The following UTP20 variants were observed in gnomAD, a reference collection of about 807,000 sequenced individuals.
UTP20 encodes small subunit processome component 20 homolog.
A neutral mutation model predicts 329.5 loss-of-function variants in UTP20; 164 were observed. That is an observed-to-expected ratio of 0.50 (90% CI 0.44 to 0.57). The LOEUF (loss-of-function observed/expected upper bound fraction) is 0.57. Among genes scored for constraint, UTP20 ranks in the 20% least tolerant of loss-of-function variants. The pLI is 0.00. For missense variants in UTP20, 3,055 were observed against 3,284.2 expected, an observed-to-expected ratio of 0.93 and a Z score of 1.71; for synonymous variants, 1,151 against 1,159.3, an observed-to-expected ratio of 0.99 and a Z score of 0.14.
chr12:101,338,985 T>G (rs376302531), intron 31 of UTP20, 28 bp downstream of exon 31: 3 of 1,558,132 alleles, frequency 1.9e-6, no homozygotes, highest in Non-Finnish European at 2.6e-6. Context: ...ACTTAAAAGA[T>G]AACATTACCA....
At chr12:101,283,190 C>A (rs1398685962) in intron 2 of UTP20, among the ~76,000 whole-genome samples, 1 of 152,110 alleles carries the variant, frequency 6.6e-6, no homozygotes, top group Non-Finnish European at 1.5e-5. Context: ...TTGAAGGTAT[C>A]AAGAGGCAGT....
intron 12 of UTP20, among the ~76,000 whole-genome samples, chr12:101,297,127 T>C (rs978468219): frequency 6.6e-6 from 1 of 152,226 alleles, no homozygotes; most frequent in African/African-American, 2.4e-5. Context: ...TGGGAGTTAC[T>C]GTCCCACAGT....
chr12:101,344,851 C>A, intron 36 of UTP20, 101 bp downstream of exon 36: 1 of 909,054 alleles, frequency 1.1e-6, no homozygotes, highest in Non-Finnish European at 1.6e-6. Flanking sequence ...AGGCTTAGTG[C>A]ATTTAATGAG....
At chr12:101,332,209 T>G (rs1177970676) in intron 27 of UTP20, among the ~76,000 whole-genome samples, 1 of 152,050 alleles carries the variant, frequency 6.6e-6, no homozygotes, top group Non-Finnish European at 1.5e-5. Flanking sequence ...TGGTGGTGCA[T>G]GCCTGTAATC....
At chr12:101,319,110 G>A (rs1873069139) in intron 22 of UTP20, among the ~76,000 whole-genome samples, 1 of 152,142 alleles carries the variant, frequency 6.6e-6, no homozygotes, top group South Asian at 2.1e-4. Flanking sequence ...GCCATTGGTT[G>A]CCTTAACCTG....
intron 26 of UTP20, among the ~76,000 whole-genome samples, chr12:101,328,982 G>A (rs1167050772): frequency 2.0e-5 from 3 of 151,880 alleles, no homozygotes; most frequent in Non-Finnish European, 4.4e-5. Flanking sequence ...TAGTTCTGTC[G>A]CAGATTTCTT....
intron 25 of UTP20, among the ~76,000 whole-genome samples, chr12:101,324,135 T>C (rs1868471818): frequency 7.1e-6 from 1 of 140,714 alleles, no homozygotes; most frequent in South Asian, 2.4e-4. Context: ...AGACTCTGTC[T>C]CAAAAAAATA....
Position 101,356,807 on chromosome 12 carries a change from TG to T in UTP20, c.5534+116del, listed in dbSNP as rs1251235709. On this transcript the variant is annotated intron_variant, in intron 42 of 61. Coordinates refer to ENST00000261637, the MANE Select transcript of UTP20 (RefSeq NM_014503.3). ...GAAAAAGTACTGTCATAACTTGCTG[TG>T]GTTTCGAATATTAACAGGAAAATTT... 11 of 1,478,886 alleles carry T rather than the reference TG, an allele frequency of 7.4e-6. No homozygotes were observed. In the African/African-American group the frequency reaches 1.6e-4, roughly 21 times the overall value. 91.6% of individuals were successfully genotyped at this position (1,478,886 alleles called of 1,614,324 possible).
At position 101,338,139 on chromosome 12, in the gene UTP20, C is replaced by A; in HGVS notation, c.3730C>A (p.Leu1244Ile). The A allele has an allele frequency of 6.2e-7, 1 of 1,614,196 alleles. No homozygotes were observed. Among genetic ancestry groups the A allele is most frequent in the South Asian group, 1.1e-5 (1 of 91,086 alleles). Residue 1244 changes from leucine to isoleucine, a missense_variant, in exon 30 of 62, where the codon CTT (leucine) becomes ATT (isoleucine). Coordinates refer to ENST00000261637, the MANE Select transcript of UTP20 (RefSeq NM_014503.3). ...TTTTGCAATTCTCTCAGCGAAGAAT[C>A]TTTCTGATGCCACAGCCAGTATTGT... ...NVFAILSAKN[L>I]SDATASIVMD...
At chr12:101,377,631 A>G (rs1457315228) in intron 56 of UTP20, among the ~76,000 whole-genome samples, 1 of 152,138 alleles carries the variant, frequency 6.6e-6, no homozygotes, top group Non-Finnish European at 1.5e-5. Flanking sequence ...CACCCAGCCT[A>G]AAACTTTTTT....
intron 22 of UTP20, among the ~76,000 whole-genome samples, chr12:101,318,667 C>A (rs1246746896): frequency 1.3e-5 from 2 of 151,764 alleles, no homozygotes; most frequent in African/African-American, 4.8e-5. Flanking sequence ...GCTGTCTCTA[C>A]TGAAAATATA....
chr12:101,352,969 T>C (rs988222967), intron 39 of UTP20, 78 bp from the exon 40 acceptor site: 187 of 848,174 alleles, frequency 2.2e-4, no homozygotes, highest in Non-Finnish European at 3.1e-4. Context: ...TTTATTAGTG[T>C]TTAAATTTCC....
intron 5 of UTP20, among the ~76,000 whole-genome samples, chr12:101,287,998 A>G (rs1872015034): frequency 1.3e-5 from 2 of 152,128 alleles, no homozygotes; most frequent in African/African-American, 2.4e-5. Flanking sequence ...GGACCGCTGT[A>G]AGGTCTTCAG....
chr12:101,383,204 A>C lies in UTP20; in HGVS notation c.7820A>C (p.Glu2607Ala). 1 of 1,614,132 alleles carries C rather than the reference A, an allele frequency of 6.2e-7. No individual in the cohort carries two copies. The highest frequency in any genetic ancestry group is 8.5e-7 in the Non-Finnish European group (1 of 1,180,024). Residue 2607 changes from glutamate (E) to alanine (A), a missense_variant, in exon 59 of 62, where the codon GAA becomes GCA. Glu to Ala is a moderately radical substitution (Grantham distance 107). Coordinates refer to ENST00000261637, the MANE Select transcript of UTP20 (RefSeq NM_014503.3). ...GCGGAGTCTGACGGAGAAGAGAAGGAAGAGGTGAAGGAAGAGCTCGGCAGG... is the reference window on the plus strand; with the variant it reads ...GCGGAGTCTGACGGAGAAGAGAAGGCAGAGGTGAAGGAAGAGCTCGGCAGG... ...EKAESDGEEK[E>A]EVKEELGRPA...
At chr12:101,339,216 G>A (rs1459760744) in intron 31 of UTP20, among the ~76,000 whole-genome samples, 2 of 152,152 alleles carry the variant, frequency 1.3e-5, no homozygotes, top group Non-Finnish European at 2.9e-5. Flanking sequence ...AGGAGACTGA[G>A]GCAGGAGAAT....
At chr12:101,354,590 C>T (rs559043164) in intron 40 of UTP20, among the ~76,000 whole-genome samples, 1 of 152,286 alleles carries the variant, frequency 6.6e-6, no homozygotes, top group African/African-American at 2.4e-5. Context: ...CCTGTACCTG[C>T]AGTTCTGTGT....
chr12:101,334,572 A>G, intron 29 of UTP20, 68 bp downstream of exon 29: 1 of 1,329,506 alleles, frequency 7.5e-7, no homozygotes, highest in Non-Finnish European at 1.0e-6. Context: ...AAAGCAGTCC[A>G]GGAAACTAAT....
chr12:101,372,919 T>G lies in UTP20; in HGVS notation c.6834T>G (p.Gly2278=). 1.2e-6 allele frequency: 2 copies of G among 1,614,192 alleles called. No individual in the cohort carries two copies. Among genetic ancestry groups the G allele is most frequent in the Non-Finnish European group, 1.7e-6 (2 of 1,180,028 alleles). ...FLKYILDYPL[G]DKLRPNLEFM... Reference sequence around the variant, plus strand: ...AATATATTCTTGACTATCCCCTGGGTGACAAATTGAGACCAAACTTGGAAT... The same window carrying G: ...AATATATTCTTGACTATCCCCTGGGGGACAAATTGAGACCAAACTTGGAAT... The change falls in exon 52 of 62, where the codon GGT becomes GGG. Residue 2278 remains glycine, a synonymous_variant. Coordinates refer to ENST00000261637, the MANE Select transcript of UTP20 (RefSeq NM_014503.3).
chr12:101,324,568 C>T (rs1055864933), intron 25 of UTP20, among the ~76,000 whole-genome samples: 2 of 152,160 alleles, frequency 1.3e-5, no homozygotes, highest in Admixed American at 6.5e-5. Context: ...CCACGTCCAG[C>T]CAGAGTGCCA....
Sources: gnomAD v4.1 joint callset for allele counts (sites outside exome capture counted in the v4.1 genomes callset) on GRCh38, gnomAD v4.1.1 for gene constraint, MANE v1.5 for transcripts, NCBI Gene and HGNC (gene_info 2026-07-23, HGNC 2026-07-21) for gene names.